Variants in UBE2K observed in about 807,000 individuals in gnomAD.
UBE2K encodes the protein ubiquitin conjugating enzyme E2 K, also known as ubiquitin-conjugating enzyme E2 K.
Under a neutral mutation model 30.0 loss-of-function variants are expected in UBE2K, and 6 were observed. The observed-to-expected ratio is 0.20, with a 90% CI of 0.11 to 0.39. The LOEUF (loss-of-function observed/expected upper bound fraction) is 0.39. UBE2K is among the 10% of genes least tolerant of loss of function. The pLI is 1.00. For synonymous variants in UBE2K, 86 were observed against 83.7 expected (o/e 1.03, Z -0.15); for missense variants, 61 against 241.6 (o/e 0.25, Z 4.96).
At position 39,768,819 on chromosome 4, in the gene UBE2K, C is replaced by T. The variant is rs371640206; in HGVS notation, c.300-6015C>T. Among the ~76,000 whole-genome samples, 6 of 152,200 alleles carry T rather than the reference C, an allele frequency of 3.9e-5. No homozygotes were observed. The East Asian group carries it at 5.8e-4, about 15-fold the overall frequency. Reference sequence around the variant, plus strand: ...ACTTGTTCATTGTTTTTATAGTAGCCGTTCTAACGAGTGCTAGGTGATATC... The same window carrying T: ...ACTTGTTCATTGTTTTTATAGTAGCTGTTCTAACGAGTGCTAGGTGATATC... On this transcript the variant is annotated intron_variant, in intron 4 of 6. Coordinates refer to ENST00000261427, the MANE Select transcript of UBE2K (RefSeq NM_005339.5).
chr4:39,760,624 G>C (rs1484543807), intron 4 of UBE2K, among the ~76,000 whole-genome samples: 1 of 152,130 alleles, frequency 6.6e-6, no homozygotes, highest in African/African-American at 2.4e-5. Context: ...ATAGCCCAGC[G>C]CAGTGGCTCA....
At chr4:39,773,113 G>A (rs1310532559) in intron 4 of UBE2K, among the ~76,000 whole-genome samples, 1 of 152,090 alleles carries the variant, frequency 6.6e-6, no homozygotes. Flanking sequence ...CATAAATTAA[G>A]TGATGTAGTT....
At chr4:39,769,686 C>G (rs572060675) in intron 4 of UBE2K, among the ~76,000 whole-genome samples, 1 of 147,406 alleles carries the variant, frequency 6.8e-6, no homozygotes, top group South Asian at 2.3e-4. Flanking sequence ...ACCCACCCCC[C>G]CACCCTTCTT....
intron 1 of UBE2K, among the ~76,000 whole-genome samples, chr4:39,721,764 A>G (rs1578435547): frequency 6.6e-6 from 1 of 152,188 alleles, no homozygotes; most frequent in Non-Finnish European, 1.5e-5. Context: ...ATAATTCACT[A>G]CCAAAAACTT....
Position 39,698,222 on chromosome 4 carries a change from G to A in UBE2K, c.-106G>A. 4.5e-6 allele frequency: 5 copies of A among 1,106,838 alleles called. No homozygotes were observed. Among genetic ancestry groups the A allele is most frequent in the Non-Finnish European group, 6.7e-6 (5 of 741,132 alleles). 68.6% of individuals were successfully genotyped at this position (1,106,838 alleles called of 1,614,324 possible). On this transcript the variant is annotated 5_prime_UTR_variant, in exon 1 of 7. Coordinates refer to ENST00000261427, the MANE Select transcript of UBE2K (RefSeq NM_005339.5). ...GGTAGTGGCAGTGTTCGTGTGCTCA[G>A]GTCTGAATCGCCGAGGGAGGAGGCG...
chr4:39,777,880 C>T, intron 6 of UBE2K, 70 bp downstream of exon 6: 1 of 1,326,958 alleles, frequency 7.5e-7, no homozygotes, highest in East Asian at 2.8e-5. Flanking sequence ...TCTTGGCTGA[C>T]AAAAGTGGTT....
At chr4:39,753,305 G>C (rs1721365183) in intron 3 of UBE2K, among the ~76,000 whole-genome samples, 7 of 152,126 alleles carry the variant, frequency 4.6e-5, no homozygotes, top group Admixed American at 4.6e-4. Context: ...ACCTGAGTCT[G>C]GGAAGTTGAG....
intron 1 of UBE2K, among the ~76,000 whole-genome samples, chr4:39,701,980 T>TG (rs1718038584): frequency 6.6e-6 from 1 of 151,790 alleles, no homozygotes; most frequent in Non-Finnish European, 1.5e-5. Context: ...AGGCTGGTCT[T>TG]GAACTCCTAA....
chr4:39,746,231 C>CT (rs1374165149), intron 3 of UBE2K, among the ~76,000 whole-genome samples: 1 of 152,042 alleles, frequency 6.6e-6, no homozygotes, highest in Non-Finnish European at 1.5e-5. Context: ...GTAACTAAGA[C>CT]TTATACTGTT....
At chr4:39,760,209 AAC>A (rs1486182023) in intron 4 of UBE2K, among the ~76,000 whole-genome samples, 6 of 150,826 alleles carry the variant, frequency 4.0e-5, no homozygotes, top group Non-Finnish European at 5.9e-5. Context: ...AAAAAAAAAA[AAC>A]AAATAATGTG....
At chr4:39,714,544 A>ATTTTTTTTTTTTTTT (rs1337587267) in intron 1 of UBE2K, 9 of 21,084 alleles carry the variant, frequency 4.3e-4, no homozygotes, top group Admixed American at 2.8e-3. Context: ...ATATATATAT[A>ATTTTTTTTTTTTTTT]TATATATTTT....
chr4:39,704,368 AT>A (rs1163915130), intron 1 of UBE2K, among the ~76,000 whole-genome samples: 6 of 151,988 alleles, frequency 3.9e-5, no homozygotes, highest in Non-Finnish European at 8.8e-5. Context: ...AGTATTTCTT[AT>A]GGTTTCTGGA....
chr4:39,707,635 C>T (rs1013993239), intron 1 of UBE2K, among the ~76,000 whole-genome samples: 1 of 151,508 alleles, frequency 6.6e-6, no homozygotes, highest in Non-Finnish European at 1.5e-5. Flanking sequence ...AGGCCTTCCA[C>T]CTCAGCCTCC....
At chr4:39,740,579 A>T (rs1720643057) in intron 2 of UBE2K, among the ~76,000 whole-genome samples, 1 of 150,312 alleles carries the variant, frequency 6.7e-6, no homozygotes, top group South Asian at 2.1e-4. Flanking sequence ...ATATATTCTT[A>T]TGGCCGAGTG....
At chr4:39,753,357 A>G (rs1386339390) in intron 3 of UBE2K, among the ~76,000 whole-genome samples, 2 of 152,064 alleles carry the variant, frequency 1.3e-5, no homozygotes, top group Non-Finnish European at 2.9e-5. Context: ...CTGGGGGGGA[A>G]AAAAGGGAGA....
chr4:39,700,851 G>T (rs577350087), intron 1 of UBE2K, among the ~76,000 whole-genome samples: 1 of 152,112 alleles, frequency 6.6e-6, no homozygotes. Context: ...ATAAGTGGCC[G>T]TTCTTAGAGT....
chr4:39,737,454 A>G lies in UBE2K; in HGVS notation c.98A>G (p.Asp33Gly), dbSNP rs113098017. 1 of 1,574,102 alleles carries G rather than the reference A, an allele frequency of 6.4e-7. No homozygotes were observed. The highest frequency in any genetic ancestry group is 1.2e-5 in the South Asian group (1 of 80,318). ...AATCAAATTAAAGTAGATCTTGTAG[A>G]TGAGAATTTTACAGAATTAAGAGGA... ...SKNQIKVDLV[D>G]ENFTELRGEI... Residue 33 changes from aspartate to glycine, a missense_variant, in exon 2 of 7, where the codon GAT (aspartate) becomes GGT (glycine). Physicochemically the swap from Asp to Gly is moderately conservative, Grantham distance 94. Coordinates refer to ENST00000261427, the MANE Select transcript of UBE2K (RefSeq NM_005339.5).
intron 4 of UBE2K, among the ~76,000 whole-genome samples, chr4:39,757,022 TTTGTTTTTTG>T (rs1456236759): frequency 2.0e-5 from 2 of 99,234 alleles, no homozygotes; most frequent in African/African-American, 4.4e-5. Flanking sequence ...TTTTTTGTTT[TTTGTTTTTTG>T]TTTTTTTTTT....
rs151000275 is a variant in UBE2K at position 39,715,831 on chromosome 4, C to T, written c.63+17441C>T. 9.8e-4 allele frequency among the ~76,000 whole-genome samples: 128 copies of T among 130,694 alleles called. 1 individual carries two copies. The highest frequency in any genetic ancestry group is 3.6e-3 in the African/African-American group (118 of 32,598). 85.7% of individuals were successfully genotyped at this position (130,694 alleles called of 152,430 possible). On this transcript the variant is annotated intron_variant, in intron 1 of 6. Transcript: ENST00000261427. ...ACCTCCTGCTCTGGAGGCACTGTGC[C>T]GGAGGACCCGTTTTTTTTTATTTAT...
Sources: gnomAD v4.1 joint callset for allele counts (sites outside exome capture counted in the v4.1 genomes callset) on GRCh38, gnomAD v4.1.1 for gene constraint, MANE v1.5 for transcripts, NCBI Gene and HGNC (gene_info 2026-07-23, HGNC 2026-07-21) for gene names.